Variants in WAC observed in about 807,000 individuals in gnomAD.
The protein encoded by WAC is WW domain containing adaptor with coiled-coil, also known as WW domain-containing adapter protein with coiled-coil.
Under a neutral mutation model 79.6 loss-of-function variants are expected in WAC, and 11 were observed. The observed-to-expected ratio is 0.14, with a 90% confidence interval of 0.09 to 0.23. WAC has a LOEUF of 0.23. WAC is among the 10% of genes least tolerant of loss of function. The probability of loss-of-function intolerance (pLI) is 1.00; values close to 1 mark genes in which losing one functional copy is unlikely to be tolerated. For synonymous variants in WAC, 304 were observed against 276.9 expected, an observed-to-expected ratio of 1.10 and a Z score of -0.97; for missense variants, 728 against 773.5, an observed-to-expected ratio of 0.94 and a Z score of 0.70.
At chr10:28,610,923 T>TC (rs1841209436) in intron 9 of WAC, 102 bp downstream of exon 9, 2 of 1,332,944 alleles carry the variant, frequency 1.5e-6, no homozygotes, top group Non-Finnish European at 2.0e-6. Flanking sequence ...TTTTTTTTTT[T>TC]AGTTTTTTAA....
Position 28,595,967 on chromosome 10 carries a change from C to T in WAC, c.845C>T (p.Ala282Val). The stretch of plus-strand genomic sequence containing the variant: ...CACCAGCCAAAGAAATCATTTGATG[C>T]TAATGGAGCATCTACTTTATCAAAA... ...SDHQPKKSFDANGASTLSKLP... is the reference protein window; with the variant it reads ...SDHQPKKSFDVNGASTLSKLP... The change falls in exon 7 of 14, where the codon GCT becomes GTT. Residue 282 changes from alanine to valine, a missense_variant. This residue lies in a region of WAC where 648 missense variants were observed against 661.5 expected (regional missense o/e 0.98). Transcript: ENST00000354911. The T allele has an allele frequency of 6.2e-7, 1 of 1,614,128 alleles. No homozygotes were observed. Among genetic ancestry groups the T allele is most frequent in the Non-Finnish European group, 8.5e-7 (1 of 1,180,008 alleles).
chr10:28,552,051 G>T (rs1049559975), intron 3 of WAC, among the ~76,000 whole-genome samples: 2 of 152,156 alleles, frequency 1.3e-5, no homozygotes, highest in Non-Finnish European at 2.9e-5. Context: ...GACCTCAGGT[G>T]ATCCACTTGC....
chr10:28,554,247 A>G, intron 3 of WAC, among the ~76,000 whole-genome samples: 1 of 152,200 alleles, frequency 6.6e-6, no homozygotes, highest in East Asian at 1.9e-4. Flanking sequence ...GGAATTGAGC[A>G]TCTGTGGAAT....
intron 3 of WAC, among the ~76,000 whole-genome samples, chr10:28,580,068 A>T (rs1325055301): frequency 6.6e-6 from 1 of 152,222 alleles, no homozygotes; most frequent in Non-Finnish European, 1.5e-5. Context: ...GTAAATCTCC[A>T]TAGAATGTGG....
At chr10:28,590,942 T>TA (rs1261179747) in intron 6 of WAC, 110 bp downstream of exon 6, 10 of 894,312 alleles carry the variant, frequency 1.1e-5, no homozygotes, top group African/African-American at 1.7e-5. Flanking sequence ...AATAGAAACA[T>TA]ACGGAGATTC....
intron 6 of WAC, 33 bp downstream of exon 6, chr10:28,590,865 G>A (rs1179371570): frequency 6.7e-7 from 1 of 1,493,972 alleles, no homozygotes. Context: ...TGAAATGTAT[G>A]TTTGACTTAT....
At chr10:28,536,981 A>G (rs559692711) in intron 3 of WAC, among the ~76,000 whole-genome samples, 4 of 152,300 alleles carry the variant, frequency 2.6e-5, no homozygotes, top group Admixed American at 2.6e-4. Context: ...AATACCTTGC[A>G]TCTTGCCCCT....
intron 7 of WAC, among the ~76,000 whole-genome samples, chr10:28,597,914 C>A (rs1230887111): frequency 9.2e-5 from 14 of 152,146 alleles, no homozygotes; most frequent in Non-Finnish European, 1.5e-4. Flanking sequence ...GTGGAGATTT[C>A]ACTTACTGAA....
chr10:28,546,333 C>T (rs1229853938), intron 3 of WAC, among the ~76,000 whole-genome samples: 1 of 152,196 alleles, frequency 6.6e-6, no homozygotes, highest in African/African-American at 2.4e-5. Context: ...GTTCTAACTT[C>T]ATAGAATTGT....
At chr10:28,539,943 AAGTT>A (rs1377639077) in intron 3 of WAC, among the ~76,000 whole-genome samples, 1 of 152,200 alleles carries the variant, frequency 6.6e-6, no homozygotes, top group Non-Finnish European at 1.5e-5. Flanking sequence ...TTTCAAATAA[AAGTT>A]ACTATTAACA....
intron 7 of WAC, among the ~76,000 whole-genome samples, chr10:28,607,584 C>G (rs900196191): frequency 1.2e-4 from 19 of 152,124 alleles, no homozygotes; most frequent in Non-Finnish European, 2.8e-4. Context: ...ACAAATAGCT[C>G]ATTGCCTTAT....
intron 3 of WAC, among the ~76,000 whole-genome samples, chr10:28,546,808 A>G (rs1279382254): frequency 6.6e-6 from 1 of 151,688 alleles, no homozygotes; most frequent in Non-Finnish European, 1.5e-5. Flanking sequence ...TTTGATGGAA[A>G]GTTGAAGAGT....
At chr10:28,574,950 G>C (rs761759678) in intron 3 of WAC, among the ~76,000 whole-genome samples, 28 of 151,814 alleles carry the variant, frequency 1.8e-4, no homozygotes, top group East Asian at 7.7e-4. Flanking sequence ...TTGAATGAAT[G>C]AATGAATCAA....
intron 10 of WAC, among the ~76,000 whole-genome samples, chr10:28,613,011 G>A (rs1239888858): frequency 2.0e-5 from 3 of 152,064 alleles, no homozygotes; most frequent in Non-Finnish European, 2.9e-5. Flanking sequence ...GGCTGGGCGC[G>A]GTGGCTCACA....
chr10:28,553,038 T>A (rs371352604), intron 3 of WAC, among the ~76,000 whole-genome samples: 30 of 152,218 alleles, frequency 2.0e-4, no homozygotes, highest in African/African-American at 7.0e-4. Flanking sequence ...CTGCCCGAGG[T>A]AGTATTTATG....
At chr10:28,616,384 T>G (rs776570399) in intron 12 of WAC, 22 bp downstream of exon 12, 9 of 1,503,690 alleles carry the variant, frequency 6.0e-6, no homozygotes, top group Non-Finnish European at 8.1e-6. Context: ...ACAGCCTAGA[T>G]TTTACCTTTG....
In WAC at chr10:28,590,640, C is replaced by T. The variant is rs183893254; in HGVS notation, c.498-80C>T. The T allele has an allele frequency of 4.5e-5, 51 of 1,139,322 alleles. No individual in the cohort carries two copies. In the East Asian group the frequency reaches 1.3e-3, roughly 29 times the overall value. 70.6% of individuals were successfully genotyped at this position (1,139,322 alleles called of 1,614,324 possible). ...TGTTTTCTGTATACCATTTGTTAGGCATTTGGCCAGAGCTGTTTAGTATGG... is the reference window on the plus strand; with the variant it reads ...TGTTTTCTGTATACCATTTGTTAGGTATTTGGCCAGAGCTGTTTAGTATGG... On this transcript the variant is annotated intron_variant, in intron 5 of 13. Coordinates refer to ENST00000354911, the MANE Select transcript of WAC (RefSeq NM_016628.5).
chr10:28,538,881 A>G (rs937774531), intron 3 of WAC, among the ~76,000 whole-genome samples: 16 of 151,358 alleles, frequency 1.1e-4, no homozygotes, highest in South Asian at 2.1e-4. Context: ...AAAAAAAAAA[A>G]AAAGAAAAAA....
Position 28,616,200 on chromosome 10 carries a change from C to A in WAC, c.1584C>A (p.Pro528=), listed in dbSNP as rs745318175. 3.1e-6 allele frequency: 5 copies of A among 1,609,016 alleles called. No homozygotes were observed. Among genetic ancestry groups the A allele is most frequent in the Non-Finnish European group, 4.2e-6 (5 of 1,176,954 alleles). The change falls in exon 12 of 14, where the codon CCC becomes CCA. Residue 528 remains proline, a synonymous_variant. Coordinates refer to ENST00000354911, the MANE Select transcript of WAC (RefSeq NM_016628.5). The part of the protein sequence containing the change: ...SSSQRSPSPG[P]NHTSNSSNAS... ...GCCAGAGAAGTCCATCACCTGGTCC[C>A]AATCATACTTCTAATAGTAGTAATG...
Sources: gnomAD v4.1 joint callset for allele counts (sites outside exome capture counted in the v4.1 genomes callset) on GRCh38, gnomAD v4.1.1 for gene constraint, gnomAD v4.1.1 regional missense constraint, MANE v1.5 for transcripts, NCBI Gene and HGNC (gene_info 2026-07-23, HGNC 2026-07-21) for gene names.